NCOR2: variants seen among roughly 807,000 people sequenced by gnomAD.
NCOR2 encodes nuclear receptor corepressor 2, also known as CTG repeat protein 26.
In NCOR2, 81 loss-of-function variants were observed where a neutral mutation model predicts 262.9. That is an observed-to-expected ratio of 0.31 (90% CI 0.26 to 0.37). The LOEUF (loss-of-function observed/expected upper bound fraction) is 0.37. NCOR2 is among the 10% of genes least tolerant of loss of function. The probability of loss-of-function intolerance (pLI) is 1.00; values close to 1 mark genes in which losing one functional copy is unlikely to be tolerated. For synonymous variants in NCOR2, 1,659 were observed against 1,559.3 expected, an observed-to-expected ratio of 1.06 and a Z score of -1.51; for missense variants, 3,385 against 3,621.4, an observed-to-expected ratio of 0.93 and a Z score of 1.68.
In NCOR2 at chr12:124,392,575, A is replaced by C. The variant is rs1425053211; in HGVS notation, c.1876+5544T>G. On this transcript the variant is annotated intron_variant, in intron 16 of 46. Transcript: ENST00000405201. ...GAAGTAGCCGGGCAGACCCAAACCC[A>C]GGAGCAGCAGCACTGCCTACCGGCC... Among the ~76,000 whole-genome samples the C allele has an allele frequency of 2.6e-5, 4 of 152,140 alleles. No homozygotes were observed. In the East Asian group the frequency reaches 7.7e-4, roughly 29 times the overall value.
chr12:124,567,327 T>C (rs926040609), exon 1 of NCOR2: 184 of 151,794 alleles, frequency 1.2e-3, no homozygotes, highest in Non-Finnish European at 1.9e-3. Context: ...GTGGCAGCGG[T>C]GGCGCCCGGG....
At chr12:124,353,767 T>C (rs2037711916) in intron 27 of NCOR2, among the ~76,000 whole-genome samples, 1 of 152,262 alleles carries the variant, frequency 6.6e-6, no homozygotes, top group Non-Finnish European at 1.5e-5. Flanking sequence ...CTCACCTGTC[T>C]AAGCAATGTC....
intron 37 of NCOR2, chr12:124,337,450 G>T: frequency 1.5e-6 from 1 of 653,740 alleles, no homozygotes; most frequent in Admixed American, 2.1e-5. Flanking sequence ...GAATACAGCG[G>T]TCATAAAACG....
chr12:124,479,634 G>A (rs1200888179), intron 3 of NCOR2, among the ~76,000 whole-genome samples: 1 of 152,278 alleles, frequency 6.6e-6, no homozygotes, highest in African/African-American at 2.4e-5. Flanking sequence ...CTTCAGGGGA[G>A]TTGTTCAAAT....
chr12:124,505,290 G>C (rs1029527047), intron 1 of NCOR2, among the ~76,000 whole-genome samples: 16 of 152,182 alleles, frequency 1.1e-4, no homozygotes, highest in African/African-American at 3.9e-4. Flanking sequence ...CCCCAAGGGG[G>C]CCCCCCGGTG....
intron 13 of NCOR2, 34 bp from the exon 16 acceptor site, chr12:124,402,595 G>A (rs751426927): frequency 1.3e-6 from 2 of 1,547,086 alleles, no homozygotes; most frequent in Non-Finnish European, 8.7e-7. Flanking sequence ...GAGGGGAGTG[G>A]GGAGGGAAGA....
chr12:124,373,118 A>C (rs1010982390), intron 19 of NCOR2, among the ~76,000 whole-genome samples: 3 of 152,270 alleles, frequency 2.0e-5, no homozygotes, highest in African/African-American at 7.2e-5. Context: ...TGTGAGGGCA[A>C]GGGCAACTGC....
chr12:124,355,105 C>A (rs372879306), intron 24 of NCOR2, 166 bp from the exon 27 acceptor site: 13 of 648,342 alleles, frequency 2.0e-5, no homozygotes, highest in South Asian at 5.8e-5. Flanking sequence ...GCCTCGGCCC[C>A]CTCCCCTGTG....
At position 124,347,811 on chromosome 12, in the gene NCOR2, G is replaced by A. The variant is rs772277568; in HGVS notation, c.4072+14C>T. 6.4e-7 allele frequency: 1 copy of A among 1,557,128 alleles called. No individual in the cohort carries two copies. The highest frequency in any genetic ancestry group is 8.7e-7 in the Non-Finnish European group (1 of 1,149,660). On this transcript the variant is annotated intron_variant, in intron 30 of 46. Coordinates refer to ENST00000405201, the Ensembl canonical transcript of NCOR2. ...CCGTTGGGGGCAACGAGGGAGCAGG[G>A]AACAGGGCAGTACCTTGTGTGATGG...
intron 7 of NCOR2, among the ~76,000 whole-genome samples, chr12:124,439,251 AG>A: frequency 6.6e-6 from 1 of 151,514 alleles, no homozygotes; most frequent in East Asian, 2.0e-4. Flanking sequence ...AGAGACCCAG[AG>A]AGAGAGAGAT....
rs748611603 is a variant in NCOR2, at chr12:124,372,152, C to T, written c.2677G>A (p.Ala893Thr). Residue 893 changes from alanine (A) to threonine (T), a missense_variant, in exon 20 of 47, where the codon GCA becomes ACA. By Grantham distance (58) the Ala-to-Thr change is moderately conservative. Transcript: ENST00000405201. ...CCGCTCCCGCCCTCCTTCTTCTCTG[C>T]CTTGAGCGCCCCCTCGGCCGTGGCC... is the stretch of plus-strand genomic sequence containing the variant. 1.3e-5 allele frequency: 21 copies of T among 1,601,342 alleles called. No homozygotes were observed. In the South Asian group the frequency reaches 2.3e-4, roughly 18 times the overall value.
At chr12:124,478,762 G>C (rs980558131) in intron 3 of NCOR2, among the ~76,000 whole-genome samples, 1 of 152,064 alleles carries the variant, frequency 6.6e-6, no homozygotes, top group African/African-American at 2.4e-5. Context: ...AACAGAAATG[G>C]ACATAGATGA....
intron 11 of NCOR2, among the ~76,000 whole-genome samples, chr12:124,426,053 C>T (rs893587061): frequency 1.3e-5 from 2 of 152,222 alleles, no homozygotes; most frequent in Admixed American, 6.5e-5. Context: ...CCCAAGGCTG[C>T]GGCCCAGCCT....
intron 7 of NCOR2, among the ~76,000 whole-genome samples, chr12:124,447,156 C>A (rs1316116356): frequency 6.6e-6 from 1 of 152,244 alleles, no homozygotes; most frequent in African/African-American, 2.4e-5. Flanking sequence ...CTCAAGTTAT[C>A]TGCCCGCCTC....
chr12:124,415,305 C>G (rs1459124878), intron 13 of NCOR2, among the ~76,000 whole-genome samples: 5 of 152,254 alleles, frequency 3.3e-5, no homozygotes, highest in African/African-American at 1.2e-4. Flanking sequence ...CTGGGGCAGA[C>G]TGATCAGCAG....
chr12:124,428,745 A>G (rs2043739126), intron 10 of NCOR2, among the ~76,000 whole-genome samples: 1 of 152,208 alleles, frequency 6.6e-6, no homozygotes. Context: ...ATTTTAATTA[A>G]TTTTGATTTC....
intron 27 of NCOR2, among the ~76,000 whole-genome samples, chr12:124,353,508 A>G (rs2037681197): frequency 2.0e-5 from 3 of 152,240 alleles, no homozygotes; most frequent in Admixed American, 2.0e-4. Context: ...TAGAACATGC[A>G]TGCACGTGTG....
chr12:124,451,196 C>T (rs2045505920), intron 6 of NCOR2, among the ~76,000 whole-genome samples: 1 of 152,266 alleles, frequency 6.6e-6, no homozygotes, highest in Non-Finnish European at 1.5e-5. Context: ...CGTGGTGCAA[C>T]CCAGCCTGGG....
intron 1 of NCOR2, among the ~76,000 whole-genome samples, chr12:124,501,771 G>A (rs1192248141): frequency 4.6e-5 from 7 of 152,202 alleles, no homozygotes; most frequent in Non-Finnish European, 8.8e-5. Flanking sequence ...CCACGCAGAC[G>A]TACCTTAAGG....
Sources: gnomAD v4.1 joint callset for allele counts (sites outside exome capture counted in the v4.1 genomes callset) on GRCh38, gnomAD v4.1.1 for gene constraint, MANE v1.5 for transcripts, NCBI Gene and HGNC (gene_info 2026-07-23, HGNC 2026-07-21) for gene names.